The following SYNE1 variants were observed in gnomAD, a reference collection of about 807,000 sequenced individuals.
The protein encoded by SYNE1 is nesprin-1.
Under a neutral mutation model 1,111.0 loss-of-function variants are expected in SYNE1, and 616 were observed. The ratio of observed to expected loss-of-function variants is 0.55; its 90% CI spans 0.52 to 0.59. The LOEUF (loss-of-function observed/expected upper bound fraction) is 0.59, where lower values mean the gene tolerates loss of function less well. Ranked by LOEUF, SYNE1 falls within the 20% of genes least tolerant of loss-of-function variation. The pLI is 0.00. For missense variants in SYNE1, 10,006 were observed against 10,417.0 expected, an observed-to-expected ratio of 0.96 and a Z score of 1.72; for synonymous variants, 3,855 against 3,825.8, an observed-to-expected ratio of 1.01 and a Z score of -0.28.
At chr6:152,239,278 T>C (rs2084968826) in intron 108 of SYNE1, among the ~76,000 whole-genome samples, 1 of 152,044 alleles carries the variant, frequency 6.6e-6, no homozygotes, top group Non-Finnish European at 1.5e-5. Flanking sequence ...ACCCCAAATA[T>C]CTTCATGCAT....
At chr6:152,458,733 T>A in intron 22 of SYNE1, 24 bp downstream of exon 22, 1 of 1,612,860 alleles carries the variant, frequency 6.2e-7, no homozygotes. Flanking sequence ...AGAATAATTG[T>A]CTCCTGAAAA....
intron 3 of SYNE1, among the ~76,000 whole-genome samples, chr6:152,627,647 A>G (rs1003016459): frequency 1.3e-5 from 2 of 152,156 alleles, no homozygotes; most frequent in African/African-American, 4.8e-5. Flanking sequence ...ACAGAGCAAG[A>G]TTCCATCTTA....
At chr6:152,298,126 T>C (rs1298958175) in intron 93 of SYNE1, among the ~76,000 whole-genome samples, 1 of 152,238 alleles carries the variant, frequency 6.6e-6, no homozygotes, top group Non-Finnish European at 1.5e-5. Context: ...CAGTATTTTC[T>C]AGTTTAAAAA....
intron 4 of SYNE1, among the ~76,000 whole-genome samples, chr6:152,532,647 G>T (rs1205079659): frequency 6.6e-6 from 1 of 152,122 alleles, no homozygotes; most frequent in African/African-American, 2.4e-5. Flanking sequence ...ATGTAGGGAG[G>T]TCTCAAGGCA....
chr6:152,247,207 G>A (rs1026241852), intron 105 of SYNE1, among the ~76,000 whole-genome samples: 5 of 152,194 alleles, frequency 3.3e-5, no homozygotes, highest in African/African-American at 1.2e-4. Flanking sequence ...CTCAAGAGAT[G>A]ACTATATTGA....
chr6:152,318,308 A>C, intron 85 of SYNE1, 45 bp from the exon 86 acceptor site: 1 of 1,608,948 alleles, frequency 6.2e-7, no homozygotes, highest in South Asian at 1.1e-5. Context: ...ACAGAAAATA[A>C]ATTTCTCCAG....
chr6:152,234,631 T>A (rs771920792), intron 111 of SYNE1, 37 bp downstream of exon 111: 20 of 1,613,858 alleles, frequency 1.2e-5, no homozygotes, highest in Admixed American at 5.0e-5. Context: ...GCCTAACTTA[T>A]AGGCCTGAAT....
intron 102 of SYNE1, among the ~76,000 whole-genome samples, chr6:152,256,431 A>T (rs375680126): frequency 6.8e-6 from 1 of 146,966 alleles, no homozygotes; most frequent in Non-Finnish European, 1.5e-5. Context: ...CTCGGTCTAA[A>T]AAATAAATAA....
chr6:152,239,792 C>G, intron 107 of SYNE1, 86 bp from the exon 108 acceptor site: 1 of 1,440,818 alleles, frequency 6.9e-7, no homozygotes, highest in Admixed American at 1.8e-5. Flanking sequence ...GGTGCGGTGG[C>G]TCACGCCTGT....
intron 138 of SYNE1, among the ~76,000 whole-genome samples, chr6:152,142,958 T>G (rs371926009): frequency 6.6e-6 from 1 of 152,218 alleles, no homozygotes; most frequent in East Asian, 1.9e-4. Context: ...GAGACTGGCT[T>G]TAAAATTCTC....
intron 3 of SYNE1, among the ~76,000 whole-genome samples, chr6:152,627,614 G>T (rs1047106283): frequency 6.6e-6 from 1 of 152,080 alleles, no homozygotes; most frequent in Admixed American, 6.6e-5. Flanking sequence ...CCGAGATAGT[G>T]CTACTGCCCT....
chr6:152,398,706 C>T lies in SYNE1; in HGVS notation c.7263G>A (p.Trp2421Ter). The T allele has an allele frequency of 1.2e-6, 2 of 1,613,784 alleles. No individual in the cohort carries two copies. Among genetic ancestry groups the T allele is most frequent in the Non-Finnish European group, 1.7e-6 (2 of 1,179,824 alleles). ...FSESMQEFQE[W>*]FLGAKAAAKE... ...TTGCTGCTGCCTTTGCTCCCAAAAA[C>T]CATTCTTGGAATTCCTGCATAGACT... The change falls in exon 49 of 146, where the codon TGG (tryptophan) becomes TGA (stop). Residue 2421 changes from tryptophan (W) to a stop codon, truncating the protein, a stop_gained. Transcript: ENST00000367255. LOFTEE classifies it high-confidence loss of function.
chr6:152,230,870 G>T (rs1253625520), intron 114 of SYNE1, among the ~76,000 whole-genome samples, 168 bp from the exon 115 acceptor site: 4 of 151,828 alleles, frequency 2.6e-5, no homozygotes, highest in African/African-American at 4.8e-5. Context: ...GCTTCCCTGG[G>T]CCACACTGGA....
At chr6:152,393,357 G>A (rs1455902768) in intron 51 of SYNE1, among the ~76,000 whole-genome samples, 3 of 152,108 alleles carry the variant, frequency 2.0e-5, no homozygotes, top group Non-Finnish European at 4.4e-5. Context: ...ACATCTGGAA[G>A]AAGGGAAGTA....
At chr6:152,439,373 CG>C (rs1450144204) in intron 32 of SYNE1, among the ~76,000 whole-genome samples, 1 of 152,042 alleles carries the variant, frequency 6.6e-6, no homozygotes, top group Non-Finnish European at 1.5e-5. Flanking sequence ...GCACCTGATA[CG>C]TTTTTAATAC....
intron 6 of SYNE1, among the ~76,000 whole-genome samples, chr6:152,514,682 G>C (rs1169345764): frequency 6.7e-6 from 1 of 149,444 alleles, no homozygotes; most frequent in African/African-American, 2.5e-5. Context: ...ATGAAGAGAC[G>C]CCAAAGATTG....
intron 133 of SYNE1, among the ~76,000 whole-genome samples, chr6:152,153,460 C>A (rs1294593068): frequency 6.6e-6 from 1 of 152,194 alleles, no homozygotes; most frequent in Non-Finnish European, 1.5e-5. Flanking sequence ...CTACAAAATT[C>A]ATGATAAATA....
At chr6:152,261,278 T>C (rs1002067878) in intron 101 of SYNE1, among the ~76,000 whole-genome samples, 5 of 152,232 alleles carry the variant, frequency 3.3e-5, no homozygotes, top group African/African-American at 1.2e-4. Flanking sequence ...AGAATTCCTC[T>C]GGGCCACAGC....
intron 124 of SYNE1, 81 bp from the exon 125 acceptor site, chr6:152,208,287 A>G: frequency 1.6e-6 from 2 of 1,255,044 alleles, no homozygotes; most frequent in African/African-American, 2.9e-5. Flanking sequence ...ATACACTGTC[A>G]ACAACCCTAA....
Sources: gnomAD v4.1 joint callset for allele counts (sites outside exome capture counted in the v4.1 genomes callset) on GRCh38, gnomAD v4.1.1 for gene constraint, MANE v1.5 for transcripts, NCBI Gene and HGNC (gene_info 2026-07-23, HGNC 2026-07-21) for gene names.